GRIA3: variants seen among roughly 807,000 people sequenced by gnomAD.
GRIA3 encodes the protein glutamate receptor 3.
A neutral mutation model predicts 63.0 loss-of-function variants in GRIA3; 3 were observed. The observed-to-expected ratio is 0.05, with a 90% CI of 0.02 to 0.12. The LOEUF is 0.12. Ranked by LOEUF, GRIA3 falls within the 10% of genes least tolerant of loss-of-function variation. GRIA3 has a pLI of 1.00. For missense variants in GRIA3, 347 were observed against 700.9 expected (o/e 0.50, Z 5.70); for synonymous variants, 274 against 257.9 (o/e 1.06, Z -0.60).
chrX:123,335,741 A>G (rs866817680), intron 4 of GRIA3, among the ~76,000 whole-genome samples: 1 of 111,548 alleles, frequency 9.0e-6, no homozygotes, highest in African/African-American at 3.2e-5. Flanking sequence ...GAAAGGAAAC[A>G]CTAGCCATAT....
intron 10 of GRIA3, among the ~76,000 whole-genome samples, chrX:123,410,039 T>G (rs2045496889): frequency 8.9e-6 from 1 of 111,787 alleles, no homozygotes; most frequent in Non-Finnish European, 1.9e-5. Context: ...GATTATAAAC[T>G]TTTCCATCTA....
At chrX:123,193,894 A>T (rs955223823) in intron 2 of GRIA3, among the ~76,000 whole-genome samples, 2 of 111,233 alleles carry the variant, frequency 1.8e-5, no homozygotes, top group Non-Finnish European at 3.8e-5. Flanking sequence ...CCAGAACAAG[A>T]TACCTGCCCA....
At chrX:123,212,081 G>A (rs1381921296) in intron 2 of GRIA3, among the ~76,000 whole-genome samples, 1 of 111,856 alleles carries the variant, frequency 8.9e-6, no homozygotes, top group Non-Finnish European at 1.9e-5. Context: ...AATATATTGT[G>A]TATGAAGTTA....
intron 5 of GRIA3, among the ~76,000 whole-genome samples, chrX:123,368,447 G>GCTGTTT (rs2045227167): frequency 9.0e-6 from 1 of 111,042 alleles, no homozygotes; most frequent in African/African-American, 3.3e-5. Context: ...AAGGCCTAAT[G>GCTGTTT]CTGTTTCATT....
intron 12 of GRIA3, among the ~76,000 whole-genome samples, chrX:123,444,291 GGTTACC>G (rs1211237673): frequency 9.0e-6 from 1 of 110,989 alleles, no homozygotes; most frequent in South Asian, 3.9e-4. Flanking sequence ...ACATAAACCT[GGTTACC>G]AAGAAGAGCT....
Position 123,184,424 on chromosome X carries a change from A to C in GRIA3, c.-112A>C. Reference sequence around the variant, plus strand: ...GTGGAAAGGAAGAGTGAGCGAGAGCAAGTTAAGGGGAGGGGGTGTAAGAGC... The same window carrying C: ...GTGGAAAGGAAGAGTGAGCGAGAGCCAGTTAAGGGGAGGGGGTGTAAGAGC... On this transcript the variant is annotated 5_prime_UTR_variant, in exon 1 of 16. Coordinates refer to ENST00000620443, the MANE Select transcript of GRIA3 (RefSeq NM_007325.5). The C allele has an allele frequency of 1.6e-6, 1 of 611,117 alleles. No individual in the cohort carries two copies. The highest frequency in any genetic ancestry group is 2.2e-5 in the South Asian group (1 of 44,502). The allele number at this position is 611,117 out of a possible 1,213,427, so 50.4% of individuals were successfully genotyped here.
chrX:123,204,426 A>T, intron 2 of GRIA3: 3 of 1,161,618 alleles, frequency 2.6e-6, no homozygotes, highest in Non-Finnish European at 3.5e-6. Flanking sequence ...GTAAGATGAG[A>T]ACAAGATCAC....
At chrX:123,260,480 GAA>G (rs1197304508) in intron 3 of GRIA3, among the ~76,000 whole-genome samples, 1 of 18,063 alleles carries the variant, frequency 5.5e-5, no homozygotes, top group Non-Finnish European at 1.3e-4. Flanking sequence ...AGAAAGGAAA[GAA>G]AGAAAGAAAG....
At position 123,202,755 on chromosome X, in the gene GRIA3, C is replaced by T. The variant is rs780803641; in HGVS notation, c.268+16765C>T. The T allele has an allele frequency of 1.6e-4, 185 of 1,164,639 alleles. 1 individual carries two copies. The South Asian group carries it at 2.0e-3, about 12-fold the overall frequency. ...CCTAAAATGTTCACCAGGTGGGGCC[C>T]GCCAAAACTGGGCCTATTGTATCTG... On this transcript the variant is annotated intron_variant, in intron 2 of 15. Coordinates refer to ENST00000620443, the MANE Select transcript of GRIA3 (RefSeq NM_007325.5).
intron 2 of GRIA3, among the ~76,000 whole-genome samples, chrX:123,214,619 A>G (rs780000681): frequency 4.5e-5 from 5 of 111,898 alleles, no homozygotes; most frequent in Non-Finnish European, 9.4e-5. Flanking sequence ...TACAAAACAA[A>G]ATACTCCCTG....
Position 123,194,646 on chromosome X carries a change from T to C in GRIA3, c.268+8656T>C, listed in dbSNP as rs182050572. Among the ~76,000 whole-genome samples the C allele has an allele frequency of 1.0e-3, 114 of 112,282 alleles. 1 individual carries two copies. Among genetic ancestry groups the C allele is most frequent in the Admixed American group, 3.8e-3 (40 of 10,643 alleles). ...GAGATGCTTGTTAAATATTAATTCCTGGGTCATACCCTAGATGTATTGAAT... is the reference window on the plus strand; with the variant it reads ...GAGATGCTTGTTAAATATTAATTCCCGGGTCATACCCTAGATGTATTGAAT... On this transcript the variant is annotated intron_variant, in intron 2 of 15. Coordinates refer to ENST00000620443, the MANE Select transcript of GRIA3 (RefSeq NM_007325.5).
intron 3 of GRIA3, among the ~76,000 whole-genome samples, chrX:123,304,206 T>TCAATAACAACAA (rs72017985): frequency 1.8e-5 from 2 of 108,338 alleles, no homozygotes; most frequent in African/African-American, 3.4e-5. Context: ...CAATGGCATT[T>TCAATAACAACAA]CAATAACAAC....
chrX:123,260,596 G>T (rs1024729185), intron 3 of GRIA3, among the ~76,000 whole-genome samples: 43 of 106,136 alleles, frequency 4.1e-4, no homozygotes, highest in African/African-American at 1.3e-3. Flanking sequence ...TTCACTTTAA[G>T]AACTGATTAA....
At position 123,403,525 on chromosome X, in the gene GRIA3, T is replaced by C. The variant is rs372131489; in HGVS notation, c.1293+6T>C. The C allele has an allele frequency of 6.0e-6, 6 of 1,005,989 alleles. No homozygotes were observed. The highest frequency in any genetic ancestry group is 2.2e-5 in the Admixed American group (1 of 45,358). 82.9% of individuals were successfully genotyped at this position (1,005,989 alleles called of 1,213,427 possible). On this transcript the variant is annotated splice_donor_region_variant and intron_variant, in intron 9 of 15. Transcript: ENST00000620443. ...TAGTAGTGACTACCATTCTGGTAAGTGTGAACAGAAGGTAGGTGGGCTTTC... is the reference window on the plus strand; with the variant it reads ...TAGTAGTGACTACCATTCTGGTAAGCGTGAACAGAAGGTAGGTGGGCTTTC...
At chrX:123,204,544 G>T in intron 2 of GRIA3, 3 of 1,162,287 alleles carry the variant, frequency 2.6e-6, no homozygotes, top group Admixed American at 2.6e-5. Flanking sequence ...AAAGTTGCAG[G>T]TTGAACCCAA....
rs1603035617 is a variant in GRIA3, at chrX:123,226,478, A to G, written c.269-26825A>G. Among the ~76,000 whole-genome samples the G allele has an allele frequency of 2.7e-5, 3 of 111,385 alleles. No homozygotes were observed. In the East Asian group the frequency reaches 8.5e-4, roughly 32 times the overall value. ...TTGCTTCAGTTTTTCAGAGAAAGAC[A>G]CTCTGAGAGTACAGATGGTATAATG... On this transcript the variant is annotated intron_variant, in intron 2 of 15. Transcript: ENST00000620443.
At chrX:123,474,096 A>G (rs2045876320) in intron 13 of GRIA3, among the ~76,000 whole-genome samples, 1 of 111,675 alleles carries the variant, frequency 9.0e-6, no homozygotes, top group African/African-American at 3.3e-5. Context: ...CAGGCCCAGA[A>G]CCATATTGAC....
chrX:123,290,962 A>AG (rs1354054497), intron 3 of GRIA3, among the ~76,000 whole-genome samples: 10 of 111,479 alleles, frequency 9.0e-5, no homozygotes, highest in Non-Finnish European at 1.3e-4. Flanking sequence ...GTTACAATGG[A>AG]GGGGGGTCAC....
At chrX:123,488,153 C>T (rs1369353199) in intron 15 of GRIA3, among the ~76,000 whole-genome samples, 1 of 112,261 alleles carries the variant, frequency 8.9e-6, no homozygotes, top group Admixed American at 9.4e-5. Flanking sequence ...GATGCCAAGT[C>T]CCCTTCATGG....
Sources: gnomAD v4.1 joint callset for allele counts (sites outside exome capture counted in the v4.1 genomes callset) on GRCh38, gnomAD v4.1.1 for gene constraint, MANE v1.5 for transcripts, NCBI Gene and HGNC (gene_info 2026-07-23, HGNC 2026-07-21) for gene names.